Variants in MYO1B observed in about 807,000 individuals in gnomAD.
The protein encoded by MYO1B is unconventional myosin-Ib.
A neutral mutation model predicts 159.7 loss-of-function variants in MYO1B; 72 were observed. That is an observed-to-expected ratio of 0.45 (90% CI 0.37 to 0.55). The LOEUF (loss-of-function observed/expected upper bound fraction) is 0.55, where lower values mean the gene tolerates loss of function less well. Among genes scored for constraint, MYO1B ranks in the 20% least tolerant of loss-of-function variants. The pLI is 0.00. For synonymous variants in MYO1B, 468 were observed against 473.8 expected (o/e 0.99, Z 0.16); for missense variants, 1,062 against 1,364.8 (o/e 0.78, Z 3.50).
intron 18 of MYO1B, 93 bp downstream of exon 18, chr2:191,390,585 T>C: frequency 7.3e-7 from 1 of 1,376,506 alleles, no homozygotes; most frequent in Non-Finnish European, 9.7e-7. Flanking sequence ...AAACAGAATT[T>C]TATGAAAAAC....
At chr2:191,400,314 T>C in intron 21 of MYO1B, 68 bp from the exon 22 acceptor site, 3 of 1,552,106 alleles carry the variant, frequency 1.9e-6, no homozygotes, top group Non-Finnish European at 2.7e-6. Flanking sequence ...CTTCAGGTTT[T>C]TTTTTCAAGT....
chr2:191,425,292 T>C lies in MYO1B; in HGVS notation c.*1332T>C, dbSNP rs1410615016. 6.6e-6 allele frequency: 1 copy of C among 152,160 alleles called. No individual in the cohort carries two copies. Among genetic ancestry groups the C allele is most frequent in the Admixed American group, 6.5e-5 (1 of 15,272 alleles). 9.4% of individuals were successfully genotyped at this position (152,160 alleles called of 1,614,324 possible). On this transcript the variant is annotated 3_prime_UTR_variant, in exon 31 of 31. Transcript: ENST00000392318. ...TCTGTGTAACTGAATTTCACTTATCTTTTATAAACCAGAAACATTAATTGA... is the reference window on the plus strand; with the variant it reads ...TCTGTGTAACTGAATTTCACTTATCCTTTATAAACCAGAAACATTAATTGA...
At chr2:191,345,749 A>G (rs7571615) in intron 5 of MYO1B, among the ~76,000 whole-genome samples, 13,788 of 152,240 alleles carry the variant, frequency 0.091, 2,049 homozygotes, top group African/African-American at 0.31. Flanking sequence ...TATATAATTA[A>G]TAATATTTAA....
intron 30 of MYO1B, among the ~76,000 whole-genome samples, chr2:191,418,267 G>C (rs565916824): frequency 2.0e-5 from 3 of 152,076 alleles, no homozygotes; most frequent in African/African-American, 4.8e-5. Context: ...AGGCAGGGGC[G>C]CCTGTTCCTT....
chr2:191,261,205 T>C (rs1400119097), intron 1 of MYO1B, among the ~76,000 whole-genome samples: 1 of 152,210 alleles, frequency 6.6e-6, no homozygotes, highest in Non-Finnish European at 1.5e-5. Flanking sequence ...GACCTGCGTG[T>C]GCCCGGTGTA....
At chr2:191,300,639 C>CATTTTTTTTTTTTT (rs10525272) in intron 3 of MYO1B, among the ~76,000 whole-genome samples, 1 of 66,912 alleles carries the variant, frequency 1.5e-5, no homozygotes, top group African/African-American at 6.4e-5. Flanking sequence ...TGTGCGCAGC[C>CATTTTTTTTTTTTT]TTTTTTTTTT....
chr2:191,334,115 C>T (rs1389981904), intron 4 of MYO1B, among the ~76,000 whole-genome samples: 3 of 136,654 alleles, frequency 2.2e-5, no homozygotes, highest in Non-Finnish European at 4.9e-5. Flanking sequence ...TTGTGACTAA[C>T]GGTTTTTTTT....
intron 1 of MYO1B, among the ~76,000 whole-genome samples, chr2:191,276,229 T>C (rs1450867187): frequency 6.6e-6 from 1 of 152,214 alleles, no homozygotes; most frequent in African/African-American, 2.4e-5. Context: ...TATATGTCAG[T>C]ATTGATTGTC....
At position 191,329,947 on chromosome 2, in the gene MYO1B, G is replaced by A. The variant is rs778733693; in HGVS notation, c.264G>A (p.Ser88=). Residue 88 remains serine, a synonymous_variant, in exon 4 of 31, where the codon TCG becomes TCA. Coordinates refer to ENST00000392318, the MANE Select transcript of MYO1B (RefSeq NM_001130158.3). ...YELSPHIFAL[S]DEAYRSLRDQ... The stretch of plus-strand genomic sequence containing the variant: ...TTATCCCCTGCAGCTTTGCCCTTTC[G>A]GATGAAGCATACAGATCCCTACGAG... 19 of 1,609,698 alleles carry A rather than the reference G, an allele frequency of 1.2e-5. No individual in the cohort carries two copies. The highest frequency in any genetic ancestry group is 1.7e-5 in the Admixed American group (1 of 59,682).
chr2:191,373,998 C>T (rs1269706041), intron 13 of MYO1B, among the ~76,000 whole-genome samples: 1 of 151,856 alleles, frequency 6.6e-6, no homozygotes, highest in East Asian at 1.9e-4. Flanking sequence ...GTTAGATTAG[C>T]GATTTGGTTG....
At chr2:191,371,232 G>C (rs1017562709) in intron 13 of MYO1B, among the ~76,000 whole-genome samples, 2 of 152,090 alleles carry the variant, frequency 1.3e-5, no homozygotes, top group African/African-American at 4.8e-5. Context: ...AAGGAACCAG[G>C]CTCTGCCCAG....
chr2:191,346,275 C>T lies in MYO1B; in HGVS notation c.491C>T (p.Ser164Phe). 6.4e-7 allele frequency: 1 copy of T among 1,570,140 alleles called. No individual in the cohort carries two copies. The highest frequency in any genetic ancestry group is 8.6e-7 in the Non-Finnish European group (1 of 1,156,722). ...AAAACTGTAAGGAATGACAACTCCT[C>T]TAGATTTGTAAGTATTTGTATAAGC... ...NAKTVRNDNSSRFGKYMDIEF... is the reference protein window; with the variant it reads ...NAKTVRNDNSFRFGKYMDIEF... Residue 164 changes from serine (S) to phenylalanine (F), a missense_variant, in exon 6 of 31, where the codon TCT becomes TTT. By Grantham distance (155) the Ser-to-Phe change is radical. Coordinates refer to ENST00000392318, the MANE Select transcript of MYO1B (RefSeq NM_001130158.3).
intron 7 of MYO1B, among the ~76,000 whole-genome samples, chr2:191,352,482 C>A (rs559800775): frequency 1.3e-4 from 20 of 152,216 alleles, no homozygotes; most frequent in African/African-American, 4.8e-4. Context: ...AAAATAACTT[C>A]AGTTTTAAAT....
At chr2:191,415,753 A>G (rs918922210) in intron 29 of MYO1B, among the ~76,000 whole-genome samples, 4 of 152,180 alleles carry the variant, frequency 2.6e-5, no homozygotes, top group Non-Finnish European at 5.9e-5. Flanking sequence ...GAGTTGCGGG[A>G]TAGGTCCATG....
intron 1 of MYO1B, among the ~76,000 whole-genome samples, chr2:191,270,299 A>G (rs1283961830): frequency 6.6e-6 from 1 of 152,238 alleles, no homozygotes; most frequent in East Asian, 1.9e-4. Context: ...AATTTGGCTT[A>G]TAGTCTTTTT....
At chr2:191,304,938 C>A (rs1689558250) in intron 3 of MYO1B, among the ~76,000 whole-genome samples, 1 of 152,112 alleles carries the variant, frequency 6.6e-6, no homozygotes, top group Non-Finnish European at 1.5e-5. Context: ...TTCAGTGATA[C>A]AATCTTAAAG....
intron 3 of MYO1B, among the ~76,000 whole-genome samples, chr2:191,309,439 C>T (rs540571473): frequency 2.6e-5 from 4 of 152,230 alleles, no homozygotes; most frequent in Admixed American, 6.5e-5. Flanking sequence ...TCCCCTCAAC[C>T]GCCAACTTTC....
chr2:191,390,548 C>T (rs749013605), intron 18 of MYO1B, 56 bp downstream of exon 18: 67 of 1,532,886 alleles, frequency 4.4e-5, no homozygotes, highest in Admixed American at 7.8e-5. Flanking sequence ...TCAAATAATA[C>T]GGTGTTTTTT....
At chr2:191,383,230 G>A (rs777309218) in intron 14 of MYO1B, 50 bp from the exon 15 acceptor site, 14 of 1,144,984 alleles carry the variant, frequency 1.2e-5, no homozygotes, top group South Asian at 7.1e-5. Flanking sequence ...GGATGGTAGT[G>A]TCGTGGCTTC....
Sources: gnomAD v4.1 joint callset for allele counts (sites outside exome capture counted in the v4.1 genomes callset) on GRCh38, gnomAD v4.1.1 for gene constraint, MANE v1.5 for transcripts, NCBI Gene and HGNC (gene_info 2026-07-23, HGNC 2026-07-21) for gene names.